FHIT: variants seen among roughly 807,000 people sequenced by gnomAD.
FHIT encodes the protein bis(5'-adenosyl)-triphosphatase.
Under a neutral mutation model 17.9 loss-of-function variants are expected in FHIT, and 19 were observed. The observed-to-expected ratio is 1.06, with a 90% CI of 0.74 to 1.56. FHIT has a LOEUF of 1.56. Ranked by LOEUF, FHIT falls within the 40% of genes most tolerant of loss-of-function variation. The pLI, the probability that FHIT is intolerant of heterozygous loss-of-function variation, is 0.00. For synonymous variants in FHIT, 81 were observed against 69.7 expected, an observed-to-expected ratio of 1.16 and a Z score of -0.81; for missense variants, 248 against 189.2, an observed-to-expected ratio of 1.31 and a Z score of -1.82.
intron 5 of FHIT, among the ~76,000 whole-genome samples, chr3:60,116,506 C>G (rs1704969396): frequency 6.6e-6 from 1 of 152,122 alleles, no homozygotes; most frequent in Non-Finnish European, 1.5e-5. Context: ...CCTTGAGATA[C>G]TGTTTACCTA....
intron 8 of FHIT, among the ~76,000 whole-genome samples, chr3:59,809,029 T>C (rs1700313006): frequency 6.6e-6 from 1 of 152,142 alleles, no homozygotes; most frequent in African/African-American, 2.4e-5. Flanking sequence ...GACCTGGAAA[T>C]CATGTTAGAA....
rs55636723 is a variant in FHIT, at chr3:60,990,688, C to G, written c.-111+51359G>C. Reference sequence around the variant, plus strand: ...GACATTTGGGAAATTGCTTCATTGCCAGAAGTCAATTCCCGCGATTGCGAG... The same window carrying G: ...GACATTTGGGAAATTGCTTCATTGCGAGAAGTCAATTCCCGCGATTGCGAG... On this transcript the variant is annotated intron_variant, in intron 3 of 9. Transcript: ENST00000492590. 6.5e-3 allele frequency among the ~76,000 whole-genome samples: 987 copies of G among 152,226 alleles called. 10 individuals are homozygous for G. Among genetic ancestry groups the G allele is most frequent in the African/African-American group, 0.023 (936 of 41,530 alleles).
intron 4 of FHIT, among the ~76,000 whole-genome samples, chr3:60,651,849 TAG>T (rs1237214367): frequency 1.3e-5 from 2 of 152,190 alleles, no homozygotes; most frequent in Admixed American, 1.3e-4. Flanking sequence ...TCTTTAAAAA[TAG>T]AGTGTTCTGG....
At chr3:61,134,098 C>T (rs201644722) in intron 2 of FHIT, among the ~76,000 whole-genome samples, 1 of 145,916 alleles carries the variant, frequency 6.9e-6, no homozygotes, top group African/African-American at 2.6e-5. Flanking sequence ...CACACACACA[C>T]ATACACACAC....
At position 60,516,150 on chromosome 3, in the gene FHIT, C is replaced by G. The variant is rs182416737; in HGVS notation, c.103+20710G>C. 2.6e-5 allele frequency among the ~76,000 whole-genome samples: 4 copies of G among 152,184 alleles called. No individual in the cohort carries two copies. In the East Asian group the frequency reaches 7.7e-4, roughly 29 times the overall value. On this transcript the variant is annotated intron_variant, in intron 5 of 9. Coordinates refer to ENST00000492590, the MANE Select transcript of FHIT (RefSeq NM_002012.4). Reference sequence around the variant, plus strand: ...CACGCTGTTGAAAAATTGACTACACCGAAGAGCTTGAATTTATGTGACTAT... The same window carrying G: ...CACGCTGTTGAAAAATTGACTACACGGAAGAGCTTGAATTTATGTGACTAT...
chr3:59,770,550 A>C (rs1702027924), intron 8 of FHIT, among the ~76,000 whole-genome samples: 1 of 152,184 alleles, frequency 6.6e-6, no homozygotes, highest in Non-Finnish European at 1.5e-5. Flanking sequence ...TGAAGTGGAC[A>C]CACTGAACAG....
At chr3:60,554,952 T>G (rs182086595) in intron 4 of FHIT, among the ~76,000 whole-genome samples, 1 of 152,312 alleles carries the variant, frequency 6.6e-6, no homozygotes, top group South Asian at 2.1e-4. Flanking sequence ...CTCTATAGAC[T>G]TACTCCTATT....
chr3:60,457,270 A>G (rs1436005512), intron 5 of FHIT, among the ~76,000 whole-genome samples: 2 of 152,056 alleles, frequency 1.3e-5, no homozygotes, highest in Non-Finnish European at 2.9e-5. Flanking sequence ...CCTCAGAAAT[A>G]ATGTCACATA....
rs979072902 is a variant in FHIT, at chr3:60,867,376, G to T, written c.-110-45365C>A. Among the ~76,000 whole-genome samples, 71 of 152,258 alleles carry T rather than the reference G, an allele frequency of 4.7e-4. 2 individuals are homozygous for T. The highest frequency in any genetic ancestry group is 1.5e-3 in the African/African-American group (63 of 41,562). Reference sequence around the variant, plus strand: ...TCATATTCACATACATGCTTAAGTAGACATTTACATATCAAAGACAGTGAA... The same window carrying T: ...TCATATTCACATACATGCTTAAGTATACATTTACATATCAAAGACAGTGAA... On this transcript the variant is annotated intron_variant, in intron 3 of 9. Transcript: ENST00000492590.
chr3:60,896,748 A>T (rs555414966), intron 3 of FHIT, among the ~76,000 whole-genome samples: 34 of 152,264 alleles, frequency 2.2e-4, no homozygotes, highest in African/African-American at 7.7e-4. Context: ...CATGTCATCC[A>T]TTTGATATAT....
At chr3:60,152,447 C>T (rs1043572687) in intron 5 of FHIT, among the ~76,000 whole-genome samples, 3 of 152,112 alleles carry the variant, frequency 2.0e-5, no homozygotes, top group African/African-American at 7.2e-5. Flanking sequence ...GAAAGCAGGC[C>T]GCAGCTACTT....
chr3:60,174,034 C>T (rs1451346107), intron 5 of FHIT, among the ~76,000 whole-genome samples: 1 of 149,558 alleles, frequency 6.7e-6, no homozygotes, highest in East Asian at 2.0e-4. Context: ...CTGCTTCAGC[C>T]TCCCGAGTAG....
At chr3:60,841,481 A>G (rs1406733407) in intron 3 of FHIT, among the ~76,000 whole-genome samples, 2 of 152,224 alleles carry the variant, frequency 1.3e-5, no homozygotes, top group African/African-American at 4.8e-5. Flanking sequence ...CCAGAAAGAG[A>G]TCTTTTATCA....
chr3:60,109,821 T>C (rs904386600), intron 5 of FHIT, among the ~76,000 whole-genome samples: 1 of 152,174 alleles, frequency 6.6e-6, no homozygotes, highest in African/African-American at 2.4e-5. Flanking sequence ...CAGTTTCTCC[T>C]CTTAGTTGGC....
chr3:59,893,481 C>T (rs1190538426), intron 8 of FHIT, among the ~76,000 whole-genome samples: 1 of 152,174 alleles, frequency 6.6e-6, no homozygotes, highest in Non-Finnish European at 1.5e-5. Context: ...AGAACTGATC[C>T]TCAAAAGCAT....
intron 5 of FHIT, among the ~76,000 whole-genome samples, chr3:60,387,103 T>A (rs1229686433): frequency 6.7e-6 from 1 of 149,588 alleles, no homozygotes. Flanking sequence ...TTCTCCTGCC[T>A]CAGCCTCCTG....
At chr3:60,968,253 C>T (rs903982550) in intron 3 of FHIT, among the ~76,000 whole-genome samples, 2 of 152,118 alleles carry the variant, frequency 1.3e-5, no homozygotes, top group Non-Finnish European at 2.9e-5. Context: ...ATAAACGTCA[C>T]CTTGTGGCTT....
rs1707897813 is a variant in FHIT at position 60,930,601 on chromosome 3, G to A, written c.-110-108590C>T. Among the ~76,000 whole-genome samples, 4 of 152,124 alleles carry A rather than the reference G, an allele frequency of 2.6e-5. No homozygotes were observed. In the South Asian group the frequency reaches 8.3e-4, roughly 31 times the overall value. ...AAGGAAGACATTTATGAAGCCAAAA[G>A]ACACATGAAAAAATGCTGATCATCA... On this transcript the variant is annotated intron_variant, in intron 3 of 9. Transcript: ENST00000492590.
chr3:60,822,637 A>G (rs369885521), intron 3 of FHIT, among the ~76,000 whole-genome samples: 24 of 152,194 alleles, frequency 1.6e-4, no homozygotes, highest in Non-Finnish European at 2.9e-4. Context: ...TTCTATCTCT[A>G]TCAAACGGGT....
Sources: allele counts gnomAD v4.1 joint callset (sites outside exome capture counted in the v4.1 genomes callset), GRCh38; gene constraint gnomAD v4.1.1; transcripts MANE v1.5; gene names NCBI Gene and HGNC (gene_info 2026-07-23, HGNC 2026-07-21).